Variants in PCDHAC2 observed in about 807,000 individuals in gnomAD.
PCDHAC2 encodes protocadherin alpha subfamily C, 2.
A neutral mutation model predicts 63.3 loss-of-function variants in PCDHAC2; 24 were observed. That is an observed-to-expected ratio of 0.38 (90% CI 0.27 to 0.53). The LOEUF is 0.53. PCDHAC2 is among the 20% of genes least tolerant of loss of function. The pLI is 0.81. For missense variants in PCDHAC2, 1,181 were observed against 1,275.2 expected (o/e 0.93, Z 1.12); for synonymous variants, 569 against 529.4 (o/e 1.07, Z -1.03).
At chr5:140,970,384 C>T (rs2096401322) in intron 1 of PCDHAC2, among the ~76,000 whole-genome samples, 1 of 152,104 alleles carries the variant, frequency 6.6e-6, no homozygotes, top group Admixed American at 6.5e-5. Flanking sequence ...AAAAGGCTGG[C>T]TTGGAAAGTG....
chr5:140,966,754 G>A lies in PCDHAC2; in HGVS notation c.-13G>A, dbSNP rs1554228611. The A allele has an allele frequency of 1.4e-6, 2 of 1,432,146 alleles. No individual in the cohort carries two copies. The highest frequency in any genetic ancestry group is 3.0e-5 in the South Asian group (2 of 66,790). 88.7% of individuals were successfully genotyped at this position (1,432,146 alleles called of 1,614,324 possible). On this transcript the variant is annotated 5_prime_UTR_variant, in exon 1 of 4. Coordinates refer to ENST00000289269, the MANE Select transcript of PCDHAC2 (RefSeq NM_018899.6). ...CCGGCCCTGCCCGGCTGCCTCCGCC[G>A]CGGCCAGTGGCTATGGAGCAGGCGG... is the stretch of plus-strand genomic sequence containing the variant.
At chr5:140,975,935 C>A (rs1351802479) in intron 1 of PCDHAC2, among the ~76,000 whole-genome samples, 1 of 152,060 alleles carries the variant, frequency 6.6e-6, no homozygotes, top group Non-Finnish European at 1.5e-5. Flanking sequence ...ACCTTTGAAG[C>A]AATAGGACAT....
chr5:141,003,608 C>T (rs951443168), intron 3 of PCDHAC2, among the ~76,000 whole-genome samples: 3 of 152,136 alleles, frequency 2.0e-5, no homozygotes, highest in East Asian at 1.9e-4. Flanking sequence ...CCACCATTCC[C>T]GGCCCCAGAG....
At chr5:140,989,744 T>C (rs1354218140) in intron 3 of PCDHAC2, among the ~76,000 whole-genome samples, 1 of 152,200 alleles carries the variant, frequency 6.6e-6, no homozygotes, top group Non-Finnish European at 1.5e-5. Context: ...CATTGCCTAA[T>C]CTGGAGAAAC....
Position 141,009,998 on chromosome 5 carries a change from T to A in PCDHAC2, c.*61T>A. On this transcript the variant is annotated 3_prime_UTR_variant, in exon 4 of 4. Transcript: ENST00000289269. ...TTGTAATAATGGCAAATCTCTCCCA[T>A]GTAGCAATTCCCTGCTCCTTTTTCC... 1 of 1,575,994 alleles carries A rather than the reference T, an allele frequency of 6.3e-7. No individual in the cohort carries two copies. Among genetic ancestry groups the A allele is most frequent in the Non-Finnish European group, 8.6e-7 (1 of 1,164,944 alleles).
At chr5:141,009,095 A>G (rs1304233331) in intron 3 of PCDHAC2, among the ~76,000 whole-genome samples, 3 of 152,214 alleles carry the variant, frequency 2.0e-5, no homozygotes, top group Admixed American at 6.5e-5. Context: ...AGAACCAAAC[A>G]TATGTTACTA....
intron 3 of PCDHAC2, among the ~76,000 whole-genome samples, chr5:141,009,358 C>G (rs993815936): frequency 8.5e-5 from 13 of 152,116 alleles, no homozygotes; most frequent in Admixed American, 6.6e-5. Flanking sequence ...ACTTGGGAGG[C>G]TAAGATGGGA....
In PCDHAC2 at chr5:141,009,945, A is replaced by C. The variant is rs2098415489; in HGVS notation, c.*8A>C. 5.0e-6 allele frequency: 8 copies of C among 1,596,112 alleles called. No homozygotes were observed. The highest frequency in any genetic ancestry group is 6.8e-6 in the Non-Finnish European group (8 of 1,173,736). On this transcript the variant is annotated 3_prime_UTR_variant, in exon 4 of 4. Coordinates refer to ENST00000289269, the MANE Select transcript of PCDHAC2 (RefSeq NM_018899.6). ...GACAACAGTGACCAGTGAGGTCCTCAAATGGAAACAAGCCACTTAGCCAGT... is the reference window on the plus strand; with the variant it reads ...GACAACAGTGACCAGTGAGGTCCTCCAATGGAAACAAGCCACTTAGCCAGT...
At chr5:140,975,634 A>G (rs1457671890) in intron 1 of PCDHAC2, among the ~76,000 whole-genome samples, 4 of 152,244 alleles carry the variant, frequency 2.6e-5, no homozygotes, top group African/African-American at 9.6e-5. Context: ...TGGTACGAAG[A>G]TAGCATATTA....
chr5:140,982,596 G>A, intron 3 of PCDHAC2, 33 bp downstream of exon 3: 2 of 1,609,850 alleles, frequency 1.2e-6, no homozygotes, highest in South Asian at 2.2e-5. Flanking sequence ...TTCTTTCTTG[G>A]TTTCTGGAAA....
rs2098417418 is a variant in PCDHAC2, at chr5:141,010,475, T to A, written c.*538T>A. On this transcript the variant is annotated 3_prime_UTR_variant, in exon 4 of 4. Coordinates refer to ENST00000289269, the MANE Select transcript of PCDHAC2 (RefSeq NM_018899.6). ...GGAAGTTATCAGTATGGAGGGGAAG[T>A]GTAAACTTAAAGGGACCAGACTTTC... 16 of 757,310 alleles carry A rather than the reference T, an allele frequency of 2.1e-5. No homozygotes were observed. The highest frequency in any genetic ancestry group is 3.0e-5 in the Non-Finnish European group (15 of 502,774). 46.9% of individuals were successfully genotyped at this position (757,310 alleles called of 1,614,324 possible). A position where few individuals can be genotyped will look rare whatever the true frequency, so the allele number is the denominator to read the frequency against.
chr5:140,979,355 T>C (rs1437499560), intron 2 of PCDHAC2, among the ~76,000 whole-genome samples: 6 of 152,206 alleles, frequency 3.9e-5, no homozygotes, highest in African/African-American at 1.4e-4. Flanking sequence ...TTAATACTCA[T>C]GCTTTGAGAC....
Position 140,967,256 on chromosome 5 carries a change from G to T in PCDHAC2, c.490G>T (p.Gly164Ter). The change falls in exon 1 of 4, where the codon GGA becomes TGA. Residue 164 changes from glycine (G) to a stop codon, truncating the protein, a stop_gained. Coordinates refer to ENST00000289269, the MANE Select transcript of PCDHAC2 (RefSeq NM_018899.6). LOFTEE classifies it high-confidence loss of function. The stretch of plus-strand genomic sequence containing the variant: ...TCAGGTAAGCGAATCGGTGGCGCCT[G>T]GAGCGCGCTTTCACATAGAGAGTGC... ...QLQVSESVAP[G>*]ARFHIESAQD... 6.2e-7 allele frequency: 1 copy of T among 1,613,524 alleles called. No individual in the cohort carries two copies. Among genetic ancestry groups the T allele is most frequent in the Non-Finnish European group, 8.5e-7 (1 of 1,179,862 alleles).
At chr5:141,001,723 A>T (rs936645287) in intron 3 of PCDHAC2, among the ~76,000 whole-genome samples, 1 of 152,168 alleles carries the variant, frequency 6.6e-6, no homozygotes, top group Non-Finnish European at 1.5e-5. Flanking sequence ...GGAGCTTGAG[A>T]TATTTTACAA....
intron 3 of PCDHAC2, among the ~76,000 whole-genome samples, chr5:141,004,282 G>T (rs1444607316): frequency 3.3e-5 from 5 of 152,190 alleles, no homozygotes; most frequent in African/African-American, 1.2e-4. Context: ...ACATGCTGCT[G>T]AGCTCTCAGA....
chr5:141,008,597 C>T (rs1485271666), intron 3 of PCDHAC2, among the ~76,000 whole-genome samples: 1 of 152,224 alleles, frequency 6.6e-6, no homozygotes, highest in East Asian at 1.9e-4. Flanking sequence ...GATTTCACCT[C>T]CTCTGGAACC....
chr5:140,985,111 G>A (rs1252708098), intron 3 of PCDHAC2, among the ~76,000 whole-genome samples: 2 of 151,892 alleles, frequency 1.3e-5, no homozygotes, highest in African/African-American at 2.4e-5. Context: ...CTAATTTTTT[G>A]TGTTTTTAGT....
Position 140,968,323 on chromosome 5 carries a change from C to T in PCDHAC2, c.1557C>T (p.Thr519=), listed in dbSNP as rs1554230616. The change falls in exon 1 of 4, where the codon ACC becomes ACT. Residue 519 remains threonine, a synonymous_variant. Coordinates refer to ENST00000289269, the MANE Select transcript of PCDHAC2 (RefSeq NM_018899.6). ...LEREIQGLPV[T]SYVSINSASG... ...GGGAGATTCAAGGGCTGCCAGTCAC[C>T]TCCTATGTCTCCATTAACAGTGCCA... The T allele has an allele frequency of 1.2e-6, 2 of 1,614,114 alleles. No individual in the cohort carries two copies. The highest frequency in any genetic ancestry group is 2.2e-5 in the East Asian group (1 of 44,884).
At chr5:140,983,034 C>T (rs923296416) in intron 3 of PCDHAC2, among the ~76,000 whole-genome samples, 1 of 151,944 alleles carries the variant, frequency 6.6e-6, no homozygotes, top group Non-Finnish European at 1.5e-5. Context: ...GATGGTTTCT[C>T]ATGGAAGTGG....
Sources: allele counts gnomAD v4.1 joint callset (sites outside exome capture counted in the v4.1 genomes callset), GRCh38; gene constraint gnomAD v4.1.1; transcripts MANE v1.5; gene names NCBI Gene and HGNC (gene_info 2026-07-23, HGNC 2026-07-21).